PIEZO2: variants seen among roughly 807,000 people sequenced by gnomAD.
PIEZO2 encodes the protein piezo type mechanosensitive ion channel component 2, also known as piezo-type mechanosensitive ion channel component 2.
A neutral mutation model predicts 337.3 loss-of-function variants in PIEZO2; 172 were observed. The ratio of observed to expected loss-of-function variants is 0.51; its 90% CI spans 0.45 to 0.58. The LOEUF (loss-of-function observed/expected upper bound fraction) is 0.58, where lower values mean the gene tolerates loss of function less well. Among genes scored for constraint, PIEZO2 ranks in the 20% least tolerant of loss-of-function variants. The pLI is 0.00. For missense variants in PIEZO2, 3,028 were observed against 3,391.3 expected, an observed-to-expected ratio of 0.89 and a Z score of 2.66; for synonymous variants, 1,251 against 1,228.5, an observed-to-expected ratio of 1.02 and a Z score of -0.38.
intron 33 of PIEZO2, chr18:10,738,185 A>G (rs574311971): frequency 6.6e-6 from 1 of 152,380 alleles, no homozygotes; most frequent in South Asian, 2.1e-4. Flanking sequence ...TTGATAGTGA[A>G]GAAGACCATT....
chr18:10,887,215 G>A (rs2042633228), intron 4 of PIEZO2, among the ~76,000 whole-genome samples: 1 of 151,632 alleles, frequency 6.6e-6, no homozygotes, highest in African/African-American at 2.4e-5. Flanking sequence ...GACTACAGGT[G>A]TGCACTAGCA....
rs1020790989 is a variant in PIEZO2, at chr18:10,757,988, G to A, written c.3904C>T (p.Pro1302Ser). The change falls in exon 27 of 56, where the codon CCA (proline) becomes TCA (serine). Residue 1302 changes from proline (P) to serine (S), a missense_variant. Physicochemically the swap from Pro to Ser is moderately conservative, Grantham distance 74. Coordinates refer to ENST00000674853, the MANE Select transcript of PIEZO2 (RefSeq NM_001378183.1). The stretch of plus-strand genomic sequence containing the variant: ...TGTTACCTGCAGTGAATAAAATCTG[G>A]CACAGGGTTATGTTGGCTGAAGGAG... ...AASFSQHNPV[P>S]DFIHCRSYLD... is the part of the protein sequence containing the mutation. 9 of 1,535,902 alleles carry A rather than the reference G, an allele frequency of 5.9e-6. No homozygotes were observed. The Admixed American group carries it at 1.6e-4, about 27-fold the overall frequency.
rs1242941043 is a variant in PIEZO2, at chr18:11,027,770, T to G, written c.160+38357A>C. Among the ~76,000 whole-genome samples the G allele has an allele frequency of 6.6e-6, 1 of 152,254 alleles. No homozygotes were observed. Among genetic ancestry groups the G allele is most frequent in the Non-Finnish European group, 1.5e-5 (1 of 68,040 alleles). The stretch of plus-strand genomic sequence containing the variant: ...TTCACTCTAACTCCAGGATTCATAG[T>G]GATCTTGATCTATCATTTAGCGTTT... On this transcript the variant is annotated intron_variant, in intron 2 of 55. Transcript: ENST00000674853. This position sits in a 1 kb window ranked among gnomAD's most constrained non-coding sequence, Gnocchi z 4.2.
intron 1 of PIEZO2, among the ~76,000 whole-genome samples, chr18:11,093,669 C>G (rs2039171095): frequency 6.9e-6 from 1 of 145,306 alleles, no homozygotes; most frequent in African/African-American, 2.5e-5. Context: ...TCACTGCAAG[C>G]TCCGCCTCCC....
intron 2 of PIEZO2, among the ~76,000 whole-genome samples, chr18:10,984,698 T>C (rs2034800899): frequency 6.6e-6 from 1 of 152,132 alleles, no homozygotes; most frequent in Admixed American, 6.6e-5. Flanking sequence ...CAGAAAACTT[T>C]CCAACCCTGT....
At chr18:11,133,552 T>C (rs975187771) in intron 1 of PIEZO2, among the ~76,000 whole-genome samples, 4 of 152,266 alleles carry the variant, frequency 2.6e-5, no homozygotes, top group African/African-American at 9.6e-5. Flanking sequence ...CTTAATCTGG[T>C]GGGCACAATC....
In PIEZO2 at chr18:10,973,063, G is replaced by T. The variant is rs1338398187; in HGVS notation, c.286+6472C>A. Among the ~76,000 whole-genome samples, 1 of 152,084 alleles carries T rather than the reference G, an allele frequency of 6.6e-6. No individual in the cohort carries two copies. Among genetic ancestry groups the T allele is most frequent in the African/African-American group, 2.4e-5 (1 of 41,404 alleles). ...CCTAAATTTTCTCATATATTAAATA[G>T]CATAAAAATTGTCATGAAAAATATT... On this transcript the variant is annotated intron_variant, in intron 3 of 55. Transcript: ENST00000674853. This position sits in a 1 kb window ranked among gnomAD's most constrained non-coding sequence, Gnocchi z 4.9.
chr18:10,678,008 C>T, intron 52 of PIEZO2, 133 bp from the exon 53 acceptor site: 6 of 847,502 alleles, frequency 7.1e-6, no homozygotes, highest in South Asian at 1.9e-5. Context: ...CAATCCTGAC[C>T]CTTTCAGTCT....
intron 36 of PIEZO2, among the ~76,000 whole-genome samples, chr18:10,722,227 G>A (rs777743484): frequency 6.8e-6 from 1 of 146,894 alleles, no homozygotes; most frequent in Non-Finnish European, 1.5e-5. Flanking sequence ...TTTGGGAGGA[G>A]AGACTTTTTT....
At position 10,722,377 on chromosome 18, in the gene PIEZO2, C is replaced by T. The variant is rs534373742; in HGVS notation, c.5030-4118G>A. ...TCCCAAGTAGCTGGGATTACAGGTG[C>T]GTGCCACCATGTCCAGATAATTTTT... On this transcript the variant is annotated intron_variant, in intron 36 of 55. Coordinates refer to ENST00000674853, the MANE Select transcript of PIEZO2 (RefSeq NM_001378183.1). 9.9e-5 allele frequency among the ~76,000 whole-genome samples: 15 copies of T among 151,722 alleles called. No individual in the cohort carries two copies. In the South Asian group the frequency reaches 2.3e-3, roughly 23 times the overall value.
At position 11,002,337 on chromosome 18, in the gene PIEZO2, T is replaced by C. The variant is rs1056035682; in HGVS notation, c.161-22677A>G. Among the ~76,000 whole-genome samples the C allele has an allele frequency of 1.3e-5, 2 of 152,222 alleles. No individual in the cohort carries two copies. Among genetic ancestry groups the C allele is most frequent in the South Asian group, 2.1e-4 (1 of 4,834 alleles). The stretch of plus-strand genomic sequence containing the variant: ...CCTGCTCTAGCTGGAGAAAGCATAC[T>C]TCAGAGTAAAATTTTCATCAGTAAA... On this transcript the variant is annotated intron_variant, in intron 2 of 55. Transcript: ENST00000674853. This position sits in a 1 kb window ranked among gnomAD's most constrained non-coding sequence, Gnocchi z 4.3.
chr18:10,810,785 T>G (rs2144359830), intron 7 of PIEZO2, among the ~76,000 whole-genome samples: 1 of 152,254 alleles, frequency 6.6e-6, no homozygotes, highest in Non-Finnish European at 1.5e-5. Flanking sequence ...TCCTTGGCAA[T>G]GAAGATCCAA....
chr18:10,962,441 T>C lies in PIEZO2; in HGVS notation c.286+17094A>G, dbSNP rs166434. On this transcript the variant is annotated intron_variant, in intron 3 of 55. Coordinates refer to ENST00000674853, the MANE Select transcript of PIEZO2 (RefSeq NM_001378183.1). The surrounding 1 kb of genome is among the most constrained non-coding windows in gnomAD (Gnocchi z 4.1). The stretch of plus-strand genomic sequence containing the variant: ...GAGGGGACAACCCTAAAGCCTGGGA[T>C]CCCAGGAGCTGCACGCAGGGCTCGC... 0.52 allele frequency among the ~76,000 whole-genome samples: 78,403 copies of C among 151,954 alleles called. 20,537 individuals carry two copies. The highest frequency in any genetic ancestry group is 0.57 in the African/African-American group (23,790 of 41,400).
chr18:10,926,493 A>C (rs2031748900), intron 3 of PIEZO2, among the ~76,000 whole-genome samples: 1 of 152,196 alleles, frequency 6.6e-6, no homozygotes, highest in Admixed American at 6.5e-5. Flanking sequence ...GGAGCCTATG[A>C]AAATCTGGGC....
At chr18:10,937,654 T>C (rs1300848584) in intron 3 of PIEZO2, among the ~76,000 whole-genome samples, 3 of 152,136 alleles carry the variant, frequency 2.0e-5, no homozygotes, top group Non-Finnish European at 2.9e-5. Flanking sequence ...AATTGGATTT[T>C]TTCTTCATTC....
chr18:10,928,347 G>A (rs2031878398), intron 3 of PIEZO2, among the ~76,000 whole-genome samples: 2 of 152,258 alleles, frequency 1.3e-5, no homozygotes, highest in African/African-American at 4.8e-5. Flanking sequence ...GCCGCTCCAA[G>A]CAAAGAGGGG....
intron 4 of PIEZO2, among the ~76,000 whole-genome samples, chr18:10,896,965 A>T (rs1720018218): frequency 6.6e-6 from 1 of 152,214 alleles, no homozygotes; most frequent in African/African-American, 2.4e-5. Context: ...ACCCCACATA[A>T]GGTGAGTCAC....
At chr18:10,703,865 G>A (rs547140139) in intron 42 of PIEZO2, among the ~76,000 whole-genome samples, 29 of 152,216 alleles carry the variant, frequency 1.9e-4, no homozygotes, top group Non-Finnish European at 2.5e-4. Flanking sequence ...TTTGTGTTGC[G>A]ACGTATGGAA....
intron 36 of PIEZO2, among the ~76,000 whole-genome samples, chr18:10,729,378 C>A (rs1162334303): frequency 6.6e-6 from 1 of 152,078 alleles, no homozygotes; most frequent in Non-Finnish European, 1.5e-5. Flanking sequence ...GTAATCCCAG[C>A]ACTTTGGGAG....
Sources: allele counts gnomAD v4.1 joint callset (sites outside exome capture counted in the v4.1 genomes callset), GRCh38; gene constraint gnomAD v4.1.1; non-coding constraint Gnocchi (gnomAD v3.1); transcripts MANE v1.5; gene names NCBI Gene and HGNC (gene_info 2026-07-23, HGNC 2026-07-21).